Variants in MED14 observed in about 807,000 individuals in gnomAD.
The protein encoded by MED14 is mediator of RNA polymerase II transcription subunit 14.
Under a neutral mutation model 109.0 loss-of-function variants are expected in MED14, and 8 were observed. The observed-to-expected ratio is 0.07, with a 90% CI of 0.04 to 0.13. MED14 has a LOEUF of 0.13. Ranked by LOEUF, MED14 falls within the 10% of genes least tolerant of loss-of-function variation. The pLI is 1.00. For missense variants in MED14, 711 were observed against 1,142.4 expected (o/e 0.62, Z 5.44); for synonymous variants, 399 against 408.7 (o/e 0.98, Z 0.29).
intron 7 of MED14, among the ~76,000 whole-genome samples, chrX:40,711,826 T>G (rs1931348641): frequency 1.9e-5 from 2 of 108,075 alleles, no homozygotes; most frequent in East Asian, 2.9e-4. Flanking sequence ...AGACAGGGTT[T>G]CACCATGGTG....
intron 28 of MED14, among the ~76,000 whole-genome samples, chrX:40,658,159 C>T (rs917520457): frequency 6.4e-5 from 7 of 109,545 alleles, no homozygotes; most frequent in Non-Finnish European, 7.6e-5. Context: ...GGCATGATCT[C>T]GGCTCACTGC....
intron 23 of MED14, among the ~76,000 whole-genome samples, chrX:40,668,165 C>T (rs1249645376): frequency 9.0e-6 from 1 of 111,160 alleles, no homozygotes; most frequent in African/African-American, 3.3e-5. Flanking sequence ...GGCGGTTCAC[C>T]TGAGGTCAGG....
intron 1 of MED14, among the ~76,000 whole-genome samples, chrX:40,731,608 T>C (rs1012664740): frequency 5.3e-5 from 6 of 112,481 alleles, no homozygotes; most frequent in African/African-American, 1.9e-4. Context: ...TATTGATGCA[T>C]TAAGCATGTA....
chrX:40,707,299 T>G (rs907834548), intron 10 of MED14, among the ~76,000 whole-genome samples: 22 of 112,303 alleles, frequency 2.0e-4, no homozygotes, highest in Admixed American at 1.9e-4. Context: ...CGTAAAAGAA[T>G]GCAAACAATA....
At chrX:40,701,336 AT>A in intron 11 of MED14, 93 bp from the exon 12 acceptor site, 1 of 558,571 alleles carries the variant, frequency 1.8e-6, no homozygotes, top group Non-Finnish European at 2.8e-6. Context: ...AATGAAAATT[AT>A]TGTTTAAGGC....
intron 14 of MED14, 105 bp from the exon 15 acceptor site, chrX:40,692,422 CCAAAA>C (rs1226049682): frequency 6.3e-6 from 4 of 630,230 alleles, no homozygotes; most frequent in Middle Eastern, 3.6e-4. Context: ...TCAGGGTTAA[CCAAAA>C]CAAATGTTAT....
At chrX:40,698,442 A>G (rs1298087140) in intron 12 of MED14, among the ~76,000 whole-genome samples, 1 of 112,317 alleles carries the variant, frequency 8.9e-6, no homozygotes, top group Non-Finnish European at 1.9e-5. Flanking sequence ...GTGACTTTCT[A>G]TATTAATTGC....
chrX:40,666,623 TA>T, intron 24 of MED14, 96 bp downstream of exon 24: 1 of 938,896 alleles, frequency 1.1e-6, no homozygotes, highest in Non-Finnish European at 1.5e-6. Flanking sequence ...ACTTCCTCAA[TA>T]AACAAGTATT....
chrX:40,688,643 C>T, intron 15 of MED14, 113 bp from the exon 16 acceptor site: 1 of 487,676 alleles, frequency 2.1e-6, no homozygotes, highest in Non-Finnish European at 3.6e-6. Context: ...ATCCTTTCCC[C>T]AAGTTACAAC....
chrX:40,699,092 T>A (rs2146686395), intron 12 of MED14, among the ~76,000 whole-genome samples: 1 of 112,312 alleles, frequency 8.9e-6, no homozygotes, highest in African/African-American at 3.2e-5. Flanking sequence ...TAAAAAGGAA[T>A]GAAGTACTGA....
chrX:40,656,809 C>T (rs1379337306), intron 28 of MED14, among the ~76,000 whole-genome samples: 2 of 112,729 alleles, frequency 1.8e-5, no homozygotes, highest in African/African-American at 3.2e-5. Context: ...TCCTCCATTT[C>T]GAGCAATATG....
intron 20 of MED14, 39 bp downstream of exon 20, chrX:40,680,719 A>AC (rs1319843204): frequency 8.8e-7 from 1 of 1,134,922 alleles, no homozygotes; most frequent in Non-Finnish European, 1.2e-6. Flanking sequence ...CGGCTGGCAT[A>AC]CTAAGTCTTA....
rs1409948372 is a variant in MED14, at chrX:40,649,321, A to G, written c.*2485T>C. Reference sequence around the variant, plus strand: ...TAACTCACTCAGTTAATTTTCAAACATAAGGTTCGACTCCTGTTATTAGCG... The same window carrying G: ...TAACTCACTCAGTTAATTTTCAAACGTAAGGTTCGACTCCTGTTATTAGCG... On this transcript the variant is annotated 3_prime_UTR_variant, in exon 31 of 31. Transcript: ENST00000324817. 3 of 139,409 alleles carry G rather than the reference A, an allele frequency of 2.2e-5. No homozygotes were observed. The highest frequency in any genetic ancestry group is 2.6e-4 in the East Asian group (1 of 3,855). 11.5% of individuals were successfully genotyped at this position (139,409 alleles called of 1,213,427 possible).
At chrX:40,686,498 A>G (rs1930299680) in intron 16 of MED14, among the ~76,000 whole-genome samples, 1 of 111,806 alleles carries the variant, frequency 8.9e-6, no homozygotes, top group Non-Finnish European at 1.9e-5. Context: ...ACTGATTTCC[A>G]TTTTAAGACT....
Position 40,729,405 on chromosome X carries a change from T to C in MED14, c.216-60A>G, listed in dbSNP as rs752252366. ...GCATACCTTCATTCTAATGTGATAA[T>C]AGTCTTTACTTTGACTCTATTAAAT... On this transcript the variant is annotated intron_variant, in intron 1 of 30. Coordinates refer to ENST00000324817, the MANE Select transcript of MED14 (RefSeq NM_004229.4). 184 of 1,060,005 alleles carry C rather than the reference T, an allele frequency of 1.7e-4. 1 individual carries two copies. The highest frequency in any genetic ancestry group is 2.7e-4 in the African/African-American group (14 of 52,502). The allele number at this position is 1,060,005 out of a possible 1,213,427, so 87.4% of individuals were successfully genotyped here.
chrX:40,678,106 G>A (rs975476100), intron 21 of MED14, among the ~76,000 whole-genome samples: 1 of 110,153 alleles, frequency 9.1e-6, no homozygotes, highest in East Asian at 2.8e-4. Context: ...AAAAAAACAA[G>A]GCGCCCACCA....
At chrX:40,720,393 C>T (rs1384373681) in intron 3 of MED14, among the ~76,000 whole-genome samples, 2 of 112,172 alleles carry the variant, frequency 1.8e-5, no homozygotes, top group East Asian at 5.6e-4. Context: ...ACACTGAACT[C>T]AGTACTGCCC....
chrX:40,713,496 A>C (rs1316989465), intron 5 of MED14, among the ~76,000 whole-genome samples: 1 of 112,538 alleles, frequency 8.9e-6, no homozygotes, highest in Non-Finnish European at 1.9e-5. Context: ...AGGCTGGAGT[A>C]CAGTGGTGCA....
chrX:40,663,923 G>A (rs757441545), intron 25 of MED14, among the ~76,000 whole-genome samples: 2 of 111,485 alleles, frequency 1.8e-5, no homozygotes, highest in South Asian at 3.8e-4. Flanking sequence ...ATGGCTGATG[G>A]CTGGCAGCCC....
Sources: allele counts gnomAD v4.1 joint callset (sites outside exome capture counted in the v4.1 genomes callset), GRCh38; gene constraint gnomAD v4.1.1; transcripts MANE v1.5; gene names NCBI Gene and HGNC (gene_info 2026-07-23, HGNC 2026-07-21).